Variants in ESYT3 observed in about 807,000 individuals in gnomAD.
ESYT3 encodes the protein extended synaptotagmin-3.
A neutral mutation model predicts 111.5 loss-of-function variants in ESYT3; 101 were observed. The ratio of observed to expected loss-of-function variants is 0.91; its 90% CI spans 0.77 to 1.07. The LOEUF (loss-of-function observed/expected upper bound fraction) is 1.07, where lower values mean the gene tolerates loss of function less well. Ranked by LOEUF, ESYT3 falls within the 50% of genes least tolerant of loss-of-function variation. The probability of loss-of-function intolerance (pLI) is 0.00; values close to 1 mark genes in which losing one functional copy is unlikely to be tolerated. For missense variants in ESYT3, 1,097 were observed against 1,109.4 expected (o/e 0.99, Z 0.16); for synonymous variants, 416 against 446.8 (o/e 0.93, Z 0.87).
At chr3:138,464,315 C>T in intron 8 of ESYT3, 30 bp from the exon 9 acceptor site, 1 of 1,611,606 alleles carries the variant, frequency 6.2e-7, no homozygotes, top group Non-Finnish European at 8.5e-7. Flanking sequence ...CAGGAAGCAG[C>T]TGTGAGCCCT....
Position 138,473,604 on chromosome 3 carries a change from G to C in ESYT3, c.2306G>C (p.Arg769Pro). Residue 769 changes from arginine to proline, a missense_variant, in exon 19 of 23, where the codon CGC becomes CCC. Coordinates refer to ENST00000389567, the MANE Select transcript of ESYT3 (RefSeq NM_031913.5). ...QLTVRYVCLR[R>P]CLSVLINGCR... The stretch of plus-strand genomic sequence containing the variant: ...ACAGTGCGCTATGTGTGTCTGCGGC[G>C]CTGCCTCAGCGTGCTAATCAATGGC... 6.2e-7 allele frequency: 1 copy of C among 1,613,706 alleles called. No homozygotes were observed. The highest frequency in any genetic ancestry group is 2.2e-5 in the East Asian group (1 of 44,870).
In ESYT3 at chr3:138,470,952, CT is replaced by C. The variant is rs1295370258; in HGVS notation, c.1667del (p.Leu556ProfsTer20). On this transcript the variant is annotated frameshift_variant, in exon 17 of 23. Coordinates refer to ENST00000389567, the MANE Select transcript of ESYT3 (RefSeq NM_031913.5). LOFTEE classifies it high-confidence loss of function. ...PLCQILPYAD[L>X]TLEQRFQLDH... The stretch of plus-strand genomic sequence containing the variant: ...GTGCCAGATCCTCCCCTATGCTGAC[CT>C]CACTCTTGAGCAGCGCTTTCAGCTG... The C allele has an allele frequency of 1.4e-5, 23 of 1,614,178 alleles. No individual in the cohort carries two copies. The highest frequency in any genetic ancestry group is 1.9e-5 in the Non-Finnish European group (22 of 1,180,036).
chr3:138,469,208 T>C (rs2033093453), intron 14 of ESYT3: 1 of 595,948 alleles, frequency 1.7e-6, no homozygotes. Flanking sequence ...GGCCCAGCTC[T>C]GGCTTCTGGT....
intron 3 of ESYT3, 117 bp downstream of exon 3, chr3:138,455,445 C>T (rs2032217109): frequency 4.4e-6 from 5 of 1,134,092 alleles, no homozygotes; most frequent in Non-Finnish European, 6.2e-6. Flanking sequence ...TCCCACTGGA[C>T]CTTACAGGGG....
intron 1 of ESYT3, among the ~76,000 whole-genome samples, chr3:138,437,083 C>T (rs1361890183): frequency 1.3e-5 from 2 of 152,058 alleles, no homozygotes; most frequent in African/African-American, 4.8e-5. Context: ...CCTAGGTTTT[C>T]ACCCCACAAC....
chr3:138,469,316 C>T, intron 14 of ESYT3, 120 bp from the exon 15 acceptor site: 1 of 847,340 alleles, frequency 1.2e-6, no homozygotes, highest in East Asian at 2.4e-5. Flanking sequence ...AGCTTTCTCT[C>T]AAAGAGAAGT....
intron 2 of ESYT3, among the ~76,000 whole-genome samples, chr3:138,454,918 A>G (rs1314785190): frequency 6.6e-6 from 1 of 152,238 alleles, no homozygotes; most frequent in Non-Finnish European, 1.5e-5. Flanking sequence ...AATGTAGTGA[A>G]TGAGTATTTC....
intron 2 of ESYT3, among the ~76,000 whole-genome samples, chr3:138,453,321 C>G (rs1418453334): frequency 2.0e-5 from 3 of 152,162 alleles, no homozygotes; most frequent in Non-Finnish European, 4.4e-5. Context: ...AGGCTCCCAC[C>G]TTCATCTTGG....
rs1342433192 is a variant in ESYT3, at chr3:138,440,247, T to C, written c.327+5122T>C. Among the ~76,000 whole-genome samples, 1 of 152,178 alleles carries C rather than the reference T, an allele frequency of 6.6e-6. No homozygotes were observed. Among genetic ancestry groups the C allele is most frequent in the African/African-American group, 2.4e-5 (1 of 41,436 alleles). On this transcript the variant is annotated intron_variant, in intron 1 of 22. Coordinates refer to ENST00000389567, the MANE Select transcript of ESYT3 (RefSeq NM_031913.5). The surrounding 1 kb of genome is among the most constrained non-coding windows in gnomAD (Gnocchi z 4.2). ...AAGGTGAGCCGTTCACACAAAGCGATGGGCATTCTGAGGCGCAGAGCAGTG... is the reference window on the plus strand; with the variant it reads ...AAGGTGAGCCGTTCACACAAAGCGACGGGCATTCTGAGGCGCAGAGCAGTG...
intron 1 of ESYT3, among the ~76,000 whole-genome samples, chr3:138,445,239 A>C (rs568630595): frequency 2.6e-4 from 40 of 152,262 alleles, no homozygotes; most frequent in African/African-American, 8.7e-4. Flanking sequence ...ACTGCAACAA[A>C]AGCTCAGTGA....
intron 1 of ESYT3, among the ~76,000 whole-genome samples, chr3:138,436,465 T>C (rs995117064): frequency 6.6e-6 from 1 of 152,242 alleles, no homozygotes; most frequent in Admixed American, 6.5e-5. Flanking sequence ...TCTGAAGAAC[T>C]GAGAATTAGC....
downstream of ESYT3, chr3:138,481,137 A>G (rs753126714): frequency 3.9e-5 from 6 of 152,198 alleles, no homozygotes; most frequent in Non-Finnish European, 8.8e-5. Flanking sequence ...AAGATAATAT[A>G]GGAGAATAAT....
chr3:138,462,516 A>G (rs918143842), intron 8 of ESYT3: 5 of 502,614 alleles, frequency 9.9e-6, no homozygotes, highest in Middle Eastern at 1.0e-3. Flanking sequence ...AGGGTTTTAT[A>G]CCTTAACTTC....
In ESYT3 at chr3:138,449,791, A is replaced by C. The variant is rs550786936; in HGVS notation, c.328-2257A>C. The stretch of plus-strand genomic sequence containing the variant: ...CACCTTAGTACTGATTCTGTATTAG[A>C]GTGATCTGTTAGTTGCCTGCCTGTG... On this transcript the variant is annotated intron_variant, in intron 1 of 22. Transcript: ENST00000389567. Among the ~76,000 whole-genome samples the C allele has an allele frequency of 7.8e-4, 119 of 152,308 alleles. 3 individuals are homozygous for C. In the South Asian group the frequency reaches 0.014, roughly 18 times the overall value.
intron 1 of ESYT3, among the ~76,000 whole-genome samples, chr3:138,448,215 C>T (rs868669031): frequency 1.4e-5 from 2 of 140,416 alleles, no homozygotes; most frequent in African/African-American, 2.7e-5. Context: ...TGCAGTGAGC[C>T]GAGATTGCAC....
Position 138,477,691 on chromosome 3 carries a change from G to C in ESYT3, c.*837G>C, listed in dbSNP as rs930719486. ...GTTTAGGCTATTCAACTTTTCTAAA[G>C]AGATGGTTGGTTCACCTAAATAACA... On this transcript the variant is annotated 3_prime_UTR_variant, in exon 23 of 23. Coordinates refer to ENST00000389567, the MANE Select transcript of ESYT3 (RefSeq NM_031913.5). 2 of 152,228 alleles carry C rather than the reference G, an allele frequency of 1.3e-5. No homozygotes were observed. The highest frequency in any genetic ancestry group is 1.3e-4 in the Admixed American group (2 of 15,286). The allele number at this position is 152,228 out of a possible 1,614,324, so 9.4% of individuals were successfully genotyped here.
intron 7 of ESYT3, among the ~76,000 whole-genome samples, chr3:138,461,437 C>T (rs1301985207): frequency 1.3e-5 from 2 of 152,160 alleles, no homozygotes; most frequent in Non-Finnish European, 2.9e-5. Context: ...ACACACCTCC[C>T]CAGGAGGAAG....
chr3:138,435,086 C>A lies in ESYT3; in HGVS notation c.288C>A (p.Phe96Leu). The stretch of plus-strand genomic sequence containing the variant: ...AATTCCTTGACAATGAACGCGAGTT[C>A]ATCAGCCGCGAGCTGCGGGGCCAGC... Reference protein sequence around the residue: ...AFEFLDNEREFISRELRGQHL... With the variant: ...AFEFLDNERELISRELRGQHL... Residue 96 changes from phenylalanine to leucine, a missense_variant, in exon 1 of 23, where the codon TTC (phenylalanine) becomes TTA (leucine). Phe to Leu is a conservative substitution (Grantham distance 22, BLOSUM62 0). Transcript: ENST00000389567. The surrounding 1 kb of genome is among the most constrained non-coding windows in gnomAD (Gnocchi z 4.8). 1 of 1,591,472 alleles carries A rather than the reference C, an allele frequency of 6.3e-7. No homozygotes were observed. The highest frequency in any genetic ancestry group is 8.5e-7 in the Non-Finnish European group (1 of 1,171,580).
chr3:138,476,901 T>C lies in ESYT3; in HGVS notation c.*47T>C. 1 of 1,496,804 alleles carries C rather than the reference T, an allele frequency of 6.7e-7. No homozygotes were observed. The highest frequency in any genetic ancestry group is 9.1e-7 in the Non-Finnish European group (1 of 1,099,276). 92.7% of individuals were successfully genotyped at this position (1,496,804 alleles called of 1,614,324 possible). On this transcript the variant is annotated 3_prime_UTR_variant, in exon 23 of 23. Transcript: ENST00000389567. ...ACCTTTATATTAAAATGTATATATATGTATATATTTTTTCCTTTGGATCAC... is the reference window on the plus strand; with the variant it reads ...ACCTTTATATTAAAATGTATATATACGTATATATTTTTTCCTTTGGATCAC...
Sources: allele counts gnomAD v4.1 joint callset (sites outside exome capture counted in the v4.1 genomes callset), GRCh38; gene constraint gnomAD v4.1.1; non-coding constraint Gnocchi (gnomAD v3.1); transcripts MANE v1.5; gene names NCBI Gene and HGNC (gene_info 2026-07-23, HGNC 2026-07-21).